CIB3: variants seen among roughly 807,000 people sequenced by gnomAD.
CIB3 encodes calcium and integrin binding family member 3.
Under a neutral mutation model 23.4 loss-of-function variants are expected in CIB3, and 22 were observed. The observed-to-expected ratio is 0.94, with a 90% CI of 0.67 to 1.34. CIB3 has a LOEUF of 1.34. Ranked by LOEUF, CIB3 falls within the 40% of genes most tolerant of loss-of-function variation. The pLI is 0.00. For missense variants in CIB3, 258 were observed against 247.3 expected, an observed-to-expected ratio of 1.04 and a Z score of -0.29; for synonymous variants, 93 against 95.8, an observed-to-expected ratio of 0.97 and a Z score of 0.17.
In CIB3 at chr19:16,173,421, C is replaced by G. The variant is rs1437895699; in HGVS notation, c.51+4G>C. The G allele has an allele frequency of 3.7e-6, 6 of 1,613,626 alleles. No homozygotes were observed. In the Admixed American group the frequency reaches 6.7e-5, roughly 18 times the overall value. On this transcript the variant is annotated splice_donor_region_variant and intron_variant, in intron 1 of 5. Coordinates refer to ENST00000269878, the MANE Select transcript of CIB3 (RefSeq NM_054113.4). ...CACTGAGGACCCATCCTGCCCCCCT[C>G]TACCTGATACGCTTCCAGCTGCTCG... is the stretch of plus-strand genomic sequence containing the variant.
chr19:16,173,396 C>G, intron 1 of CIB3, 29 bp downstream of exon 1: 1 of 1,608,558 alleles, frequency 6.2e-7, no homozygotes, highest in South Asian at 1.1e-5. Flanking sequence ...TTGTCAAACC[C>G]ACTGAGGACC....
intron 2 of CIB3, among the ~76,000 whole-genome samples, chr19:16,171,354 G>A (rs1377074657): frequency 1.3e-5 from 2 of 152,092 alleles, no homozygotes; most frequent in African/African-American, 4.8e-5. Flanking sequence ...GCCCTCACCT[G>A]TGACACCATA....
chr19:16,168,076 C>A, intron 4 of CIB3, 61 bp downstream of exon 4: 1 of 1,540,364 alleles, frequency 6.5e-7, no homozygotes, highest in East Asian at 2.4e-5. Flanking sequence ...GGGTGCCACC[C>A]ACCCAGTTCC....
intron 1 of CIB3, 64 bp from the exon 2 acceptor site, chr19:16,173,260 C>T (rs2091338136): frequency 1.2e-6 from 2 of 1,609,914 alleles, no homozygotes; most frequent in South Asian, 2.2e-5. Flanking sequence ...ACGGCCTCCT[C>T]CCTCCACCCC....
intron 1 of CIB3, 86 bp from the exon 2 acceptor site, chr19:16,173,282 G>T: frequency 6.3e-7 from 1 of 1,596,662 alleles, no homozygotes; most frequent in Middle Eastern, 1.7e-4. Context: ...CACTCACACA[G>T]ATGGCCTGAT....
rs912255060 is a variant in CIB3 at position 16,170,934 on chromosome 19, C to G, written c.87-1193G>C. 5.9e-4 allele frequency among the ~76,000 whole-genome samples: 89 copies of G among 151,922 alleles called. 1 individual carries two copies. The highest frequency in any genetic ancestry group is 7.4e-5 in the Non-Finnish European group (5 of 67,996). On this transcript the variant is annotated intron_variant, in intron 2 of 5. Transcript: ENST00000269878. ...CAGGTGGATCACGAGGACAGGAGAT[C>G]AAGACCATCCTGGCTAACATGGTGA...
intron 4 of CIB3, among the ~76,000 whole-genome samples, chr19:16,165,943 T>C (rs937634813): frequency 2.0e-5 from 3 of 152,216 alleles, no homozygotes; most frequent in Non-Finnish European, 4.4e-5. Flanking sequence ...AAGTATTTAT[T>C]GAGTGCCTAC....
chr19:16,169,140 T>G lies in CIB3; in HGVS notation c.198+490A>C, dbSNP rs142921146. ...AATTCTGGGTGTTTTTTGTTTGTTG[T>G]TTGTTTGTTTGTTTGTTTTTTGAGA... On this transcript the variant is annotated intron_variant, in intron 3 of 5. Coordinates refer to ENST00000269878, the MANE Select transcript of CIB3 (RefSeq NM_054113.4). 9.2e-3 allele frequency among the ~76,000 whole-genome samples: 1,358 copies of G among 148,110 alleles called. 26 individuals carry two copies. Among genetic ancestry groups the G allele is most frequent in the African/African-American group, 0.033 (1,257 of 37,840 alleles).
rs147364223 is a variant in CIB3 at position 16,166,284 on chromosome 19, G to A, written c.347-1371C>T. Among the ~76,000 whole-genome samples the A allele has an allele frequency of 4.3e-3, 651 of 152,128 alleles. 5 individuals are homozygous for A. The highest frequency in any genetic ancestry group is 0.015 in the African/African-American group (620 of 41,508). ...CCAGCCTGGGCGACAAGAGTGAGAC[G>A]CTGTCTCAGTAAAAAAATAAATAAA... On this transcript the variant is annotated intron_variant, in intron 4 of 5. Coordinates refer to ENST00000269878, the MANE Select transcript of CIB3 (RefSeq NM_054113.4).
rs1469283355 is a variant in CIB3 at position 16,161,455 on chromosome 19, T to C, written c.*10A>G. 1 of 1,613,916 alleles carries C rather than the reference T, an allele frequency of 6.2e-7. No individual in the cohort carries two copies. Among genetic ancestry groups the C allele is most frequent in the African/African-American group, 1.3e-5 (1 of 74,918 alleles). On this transcript the variant is annotated 3_prime_UTR_variant, in exon 6 of 6. Coordinates refer to ENST00000269878, the MANE Select transcript of CIB3 (RefSeq NM_054113.4). ...CCGCCCTCCTATAGCTCGGCTCCTC[T>C]GTGGTGCCATCAGATTCGGATGTGG...
chr19:16,164,011 A>T (rs1303644173), intron 5 of CIB3, among the ~76,000 whole-genome samples: 1 of 152,126 alleles, frequency 6.6e-6, no homozygotes, highest in East Asian at 1.9e-4. Context: ...TCACTCTGTG[A>T]CCCAGGCTGG....
At chr19:16,166,015 G>A (rs1025411972) in intron 4 of CIB3, among the ~76,000 whole-genome samples, 2 of 152,098 alleles carry the variant, frequency 1.3e-5, no homozygotes, top group African/African-American at 2.4e-5. Flanking sequence ...TTATGGGCCC[G>A]GCGCAGTGGC....
intron 5 of CIB3, among the ~76,000 whole-genome samples, chr19:16,164,002 C>T (rs1250964916): frequency 6.6e-6 from 1 of 152,088 alleles, no homozygotes; most frequent in Non-Finnish European, 1.5e-5. Context: ...GACAGAATCT[C>T]ACTCTGTGAC....
chr19:16,170,861 G>T (rs950046185), intron 2 of CIB3, among the ~76,000 whole-genome samples: 1 of 150,238 alleles, frequency 6.7e-6, no homozygotes, highest in South Asian at 2.1e-4. Context: ...GAAAGAGGCC[G>T]GGCGCGGTGG....
At chr19:16,163,384 G>T (rs1213597378) in intron 5 of CIB3, among the ~76,000 whole-genome samples, 3 of 151,990 alleles carry the variant, frequency 2.0e-5, no homozygotes, top group Non-Finnish European at 2.9e-5. Flanking sequence ...ACAAAACCCT[G>T]TCTCTACTAA....
intron 3 of CIB3, among the ~76,000 whole-genome samples, chr19:16,169,125 GT>G (rs1568338104): frequency 6.6e-6 from 1 of 151,790 alleles, no homozygotes; most frequent in Non-Finnish European, 1.5e-5. Context: ...AATTCTGGGT[GT>G]TTTTTGTTTG....
rs753172078 is a variant in CIB3, at chr19:16,164,848, C to A, written c.412G>T (p.Gly138Trp). The change falls in exon 5 of 6, where the codon GGG becomes TGG. Residue 138 changes from glycine to tryptophan, a missense_variant. Coordinates refer to ENST00000269878, the MANE Select transcript of CIB3 (RefSeq NM_054113.4). ...CTCACCTCCTCGGCACTCAGCCCCC[C>A]CCGCGTCAGTTTGGTCACCGTCTGC... is the stretch of plus-strand genomic sequence containing the variant. The part of the protein sequence containing the change: ...LEQTVTKLTR[G>W]GLSAEEVSLV... The A allele has an allele frequency of 5.5e-5, 88 of 1,613,912 alleles. No individual in the cohort carries two copies. Among genetic ancestry groups the A allele is most frequent in the Non-Finnish European group, 7.1e-5 (84 of 1,180,018 alleles).
At chr19:16,163,623 A>T (rs1014648562) in intron 5 of CIB3, among the ~76,000 whole-genome samples, 2 of 152,222 alleles carry the variant, frequency 1.3e-5, no homozygotes, top group African/African-American at 4.8e-5. Flanking sequence ...ATTATTTGTC[A>T]ATTCAAAAAA....
At chr19:16,173,400 G>A in intron 1 of CIB3, 25 bp downstream of exon 1, 3 of 1,609,632 alleles carry the variant, frequency 1.9e-6, no homozygotes, top group Non-Finnish European at 2.6e-6. Context: ...CAAACCCACT[G>A]AGGACCCATC....
Sources: allele counts gnomAD v4.1 joint callset (sites outside exome capture counted in the v4.1 genomes callset), GRCh38; gene constraint gnomAD v4.1.1; transcripts MANE v1.5; gene names NCBI Gene and HGNC (gene_info 2026-07-23, HGNC 2026-07-21).